The following ELP4 variants were observed in gnomAD, a reference collection of about 807,000 sequenced individuals.
ELP4 encodes the protein elongator acetyltransferase complex subunit 4.
A neutral mutation model predicts 48.9 loss-of-function variants in ELP4; 51 were observed. The ratio of observed to expected loss-of-function variants is 1.04; its 90% CI spans 0.83 to 1.32. The LOEUF is 1.32. Ranked by LOEUF, ELP4 falls within the 40% of genes most tolerant of loss-of-function variation. The pLI is 0.00. For synonymous variants in ELP4, 210 were observed against 189.2 expected, an observed-to-expected ratio of 1.11 and a Z score of -0.90; for missense variants, 519 against 514.6, an observed-to-expected ratio of 1.01 and a Z score of -0.08.
At chr11:31,549,614 T>C (rs922578641) in intron 3 of ELP4, among the ~76,000 whole-genome samples, 2 of 152,010 alleles carry the variant, frequency 1.3e-5, no homozygotes, top group African/African-American at 4.8e-5. Flanking sequence ...AAATACCATT[T>C]GACCCAGCCA....
At chr11:31,636,795 A>G (rs1389477688) in intron 7 of ELP4, among the ~76,000 whole-genome samples, 1 of 151,980 alleles carries the variant, frequency 6.6e-6, no homozygotes, top group African/African-American at 2.4e-5. Flanking sequence ...ACAGGAAAAA[A>G]ATGGCAAGCA....
chr11:31,752,080 T>G (rs147481571), intron 9 of ELP4, among the ~76,000 whole-genome samples: 1 of 152,306 alleles, frequency 6.6e-6, no homozygotes, highest in Non-Finnish European at 1.5e-5. Context: ...AAACTGTTCA[T>G]CAGTCTCACT....
chr11:31,542,707 A>G (rs1956612180), intron 3 of ELP4, among the ~76,000 whole-genome samples: 2 of 152,220 alleles, frequency 1.3e-5, no homozygotes, highest in Non-Finnish European at 2.9e-5. Context: ...CTCAAAGTAT[A>G]GTAATATTCA....
chr11:31,676,993 A>G (rs1047901767), intron 9 of ELP4, among the ~76,000 whole-genome samples: 8 of 152,334 alleles, frequency 5.3e-5, no homozygotes, highest in African/African-American at 1.9e-4. Context: ...AAATAGTGAC[A>G]AAGGGTATAA....
In ELP4 at chr11:31,581,958, TG is replaced by T. The variant is rs1490529741; in HGVS notation, c.382-12811del. On this transcript the variant is annotated intron_variant, in intron 3 of 9. Transcript: ENST00000640961. ...TTGTAGAGAAAGGATCTCACTGTTT[TG>T]CCCAGGCTGGTCTTAAATTTCTGGC... is the stretch of plus-strand genomic sequence containing the variant. 5.3e-5 allele frequency among the ~76,000 whole-genome samples: 8 copies of T among 152,282 alleles called. No homozygotes were observed. In the South Asian group the frequency reaches 1.0e-3, roughly 20 times the overall value.
chr11:31,520,542 G>C (rs1330392754), intron 2 of ELP4, among the ~76,000 whole-genome samples: 2 of 152,036 alleles, frequency 1.3e-5, no homozygotes, highest in African/African-American at 4.8e-5. Context: ...AAAGTGGCAA[G>C]AGTCCTAATT....
Position 31,705,730 on chromosome 11 carries a change from A to G in ELP4, c.1143+55509A>G, listed in dbSNP as rs192960183. Among the ~76,000 whole-genome samples, 673 of 152,366 alleles carry G rather than the reference A, an allele frequency of 4.4e-3. 4 individuals carry two copies. Among genetic ancestry groups the G allele is most frequent in the Non-Finnish European group, 6.6e-3 (451 of 68,026 alleles). ...TATCAATATGTCTATTAATTTCTCTAGAGACAAGAAATCTGCATTAACCTT... is the reference window on the plus strand; with the variant it reads ...TATCAATATGTCTATTAATTTCTCTGGAGACAAGAAATCTGCATTAACCTT... On this transcript the variant is annotated intron_variant, in intron 9 of 9. Transcript: ENST00000640961.
chr11:31,678,531 GTGTGTGTGTGTATA>G (rs1945984610), intron 9 of ELP4, among the ~76,000 whole-genome samples: 1 of 135,516 alleles, frequency 7.4e-6, no homozygotes, highest in South Asian at 2.4e-4. Context: ...GTGTGTGTGT[GTGTGTGTGTGTATA>G]TGTGCATTTT....
chr11:31,780,382 C>A (rs1197384879), intron 9 of ELP4, among the ~76,000 whole-genome samples: 1 of 152,206 alleles, frequency 6.6e-6, no homozygotes, highest in South Asian at 2.1e-4. Flanking sequence ...ACAAAACCCA[C>A]TGCTTGAGAA....
intron 9 of ELP4, among the ~76,000 whole-genome samples, chr11:31,750,775 CT>C (rs1947701836): frequency 6.6e-6 from 1 of 152,132 alleles, no homozygotes; most frequent in Non-Finnish European, 1.5e-5. Flanking sequence ...ATTTAAATGT[CT>C]TCTGTGGTGA....
Position 31,602,659 on chromosome 11 carries a change from A to G in ELP4, c.514-1109A>G, listed in dbSNP as rs571392848. 2.6e-4 allele frequency among the ~76,000 whole-genome samples: 39 copies of G among 152,142 alleles called. 1 individual carries two copies. Among genetic ancestry groups the G allele is most frequent in the Non-Finnish European group, 4.9e-4 (33 of 67,904 alleles). ...ATTGGTAGGCATTTAGTTTAAGAATATGAATCCTTGAAGTCTTAAATGCAA... is the reference window on the plus strand; with the variant it reads ...ATTGGTAGGCATTTAGTTTAAGAATGTGAATCCTTGAAGTCTTAAATGCAA... On this transcript the variant is annotated intron_variant, in intron 4 of 9. Transcript: ENST00000640961.
At chr11:31,773,806 G>T (rs1369843377) in intron 9 of ELP4, among the ~76,000 whole-genome samples, 3 of 152,134 alleles carry the variant, frequency 2.0e-5, no homozygotes, top group Non-Finnish European at 4.4e-5. Context: ...TGTGTAAGAA[G>T]ACACACCAGA....
intron 9 of ELP4, among the ~76,000 whole-genome samples, chr11:31,748,596 AC>A (rs1365188267): frequency 2.0e-5 from 3 of 152,142 alleles, no homozygotes; most frequent in African/African-American, 7.2e-5. Flanking sequence ...ACTTTACTAA[AC>A]ACTAAACTAT....
intron 9 of ELP4, among the ~76,000 whole-genome samples, chr11:31,658,629 T>C (rs1945489205): frequency 6.6e-6 from 1 of 151,968 alleles, no homozygotes; most frequent in Non-Finnish European, 1.5e-5. Context: ...ATATTATGAT[T>C]GTACTCACTT....
At chr11:31,738,545 G>C (rs1040255083) in intron 9 of ELP4, among the ~76,000 whole-genome samples, 1 of 152,152 alleles carries the variant, frequency 6.6e-6, no homozygotes, top group Admixed American at 6.6e-5. Flanking sequence ...AAACAAGCCT[G>C]GGCAACATGG....
intron 9 of ELP4, among the ~76,000 whole-genome samples, chr11:31,668,721 T>TGTGTGTGTG (rs1565103640): frequency 1.1e-5 from 1 of 92,596 alleles, no homozygotes; most frequent in Non-Finnish European, 2.1e-5. Context: ...TGTGTGTGTG[T>TGTGTGTGTG]AAGAACCCTG....
At chr11:31,595,472 A>G (rs1957654826) in intron 4 of ELP4, among the ~76,000 whole-genome samples, 1 of 152,190 alleles carries the variant, frequency 6.6e-6, no homozygotes, top group Admixed American at 6.5e-5. Context: ...AGACTACATT[A>G]TTTAACATCT....
At chr11:31,544,855 T>C (rs1956670254) in intron 3 of ELP4, among the ~76,000 whole-genome samples, 1 of 152,136 alleles carries the variant, frequency 6.6e-6, no homozygotes, top group South Asian at 2.1e-4. Context: ...GAAAAACCAC[T>C]GTTCTGCAGC....
intron 9 of ELP4, among the ~76,000 whole-genome samples, chr11:31,666,352 A>G (rs1945674556): frequency 6.6e-6 from 1 of 152,140 alleles, no homozygotes; most frequent in Non-Finnish European, 1.5e-5. Flanking sequence ...TGAAGAGAAT[A>G]ATAAACTGAA....
Sources: allele counts gnomAD v4.1 joint callset (sites outside exome capture counted in the v4.1 genomes callset), GRCh38; gene constraint gnomAD v4.1.1; transcripts MANE v1.5; gene names NCBI Gene and HGNC (gene_info 2026-07-23, HGNC 2026-07-21).